PGM1: variants seen among roughly 807,000 people sequenced by gnomAD.
The protein encoded by PGM1 is phosphoglucomutase 1.
A neutral mutation model predicts 55.6 loss-of-function variants in PGM1; 52 were observed. The observed-to-expected ratio is 0.94, with a 90% CI of 0.75 to 1.18. PGM1 has a LOEUF of 1.18. Ranked by LOEUF, PGM1 falls within the 50% of genes most tolerant of loss-of-function variation. The pLI is 0.00. For synonymous variants in PGM1, 287 were observed against 271.7 expected (o/e 1.06, Z -0.55); for missense variants, 724 against 729.3 (o/e 0.99, Z 0.08).
chr1:63,593,806 C>T (rs1647947028), intron 1 of PGM1, 72 bp downstream of exon 1: 1 of 1,444,680 alleles, frequency 6.9e-7, no homozygotes, highest in East Asian at 2.8e-5. Context: ...GGCGCCCTCC[C>T]TCGCTCGGGG....
At chr1:63,648,799 G>T in intron 8 of PGM1, 147 bp downstream of exon 8, 1 of 870,680 alleles carries the variant, frequency 1.1e-6, no homozygotes. Flanking sequence ...AAAATAATCT[G>T]GTCAGGGATG....
chr1:63,623,599 T>C (rs762587514), intron 1 of PGM1: 1 of 1,612,806 alleles, frequency 6.2e-7, no homozygotes, highest in Non-Finnish European at 8.5e-7. Context: ...AACCTATTAT[T>C]TTGAGGAAAA....
intron 1 of PGM1, chr1:63,594,103 A>T (rs1159875967): frequency 9.8e-7 from 1 of 1,019,856 alleles, no homozygotes; most frequent in East Asian, 1.0e-4. Context: ...GCCTTGGAAG[A>T]TACGATTACG....
chr1:63,621,969 A>T (rs963299053), intron 1 of PGM1, among the ~76,000 whole-genome samples: 1 of 152,112 alleles, frequency 6.6e-6, no homozygotes, highest in Non-Finnish European at 1.5e-5. Context: ...ATGCTACTTG[A>T]CAAGTTAGTA....
intron 1 of PGM1, among the ~76,000 whole-genome samples, chr1:63,625,328 C>T (rs1648989206): frequency 6.6e-6 from 1 of 152,164 alleles, no homozygotes; most frequent in Non-Finnish European, 1.5e-5. Context: ...GCAGCCCAAG[C>T]AATATTTTCA....
At chr1:63,659,260 G>A (rs1325129168) in intron 10 of PGM1, among the ~76,000 whole-genome samples, 1 of 152,176 alleles carries the variant, frequency 6.6e-6, no homozygotes, top group Non-Finnish European at 1.5e-5. Flanking sequence ...GCAGGAGAGT[G>A]GAGAGAAAAG....
chr1:63,634,150 A>T (rs1376035753), intron 4 of PGM1, among the ~76,000 whole-genome samples: 2 of 151,206 alleles, frequency 1.3e-5, no homozygotes, highest in African/African-American at 4.9e-5. Context: ...TCTGAATCCC[A>T]ATTCCCACTT....
At chr1:63,623,490 G>T in intron 1 of PGM1, 2 of 1,612,550 alleles carry the variant, frequency 1.2e-6, no homozygotes, top group Admixed American at 3.3e-5. Flanking sequence ...GGATTTCTGG[G>T]ACATATAGAA....
rs80246885 is a variant in PGM1 at position 63,630,135 on chromosome 1, G to C, written c.556+47G>C. On this transcript the variant is annotated intron_variant, in intron 3 of 10. Transcript: ENST00000371084. ...TTCTGCCCACTCCTATTTCCAAGTT[G>C]AGCGATTTTCCTTTCAACGTTTTAG... is the stretch of plus-strand genomic sequence containing the variant. 2,385 of 1,592,622 alleles carry C rather than the reference G, an allele frequency of 1.5e-3. 29 individuals carry two copies. The African/African-American group carries it at 0.028, about 19-fold the overall frequency.
chr1:63,656,504 A>G (rs748781712), intron 10 of PGM1, among the ~76,000 whole-genome samples: 3 of 152,114 alleles, frequency 2.0e-5, no homozygotes, highest in Non-Finnish European at 4.4e-5. Context: ...TTCATTCAAT[A>G]TTATTCACAA....
At chr1:63,595,693 C>T (rs528402468) in intron 1 of PGM1, among the ~76,000 whole-genome samples, 1 of 152,218 alleles carries the variant, frequency 6.6e-6, no homozygotes, top group South Asian at 2.1e-4. Context: ...CTGTTGAATA[C>T]CATGTTCAGA....
intron 7 of PGM1, among the ~76,000 whole-genome samples, chr1:63,640,766 C>T (rs977820005): frequency 6.6e-6 from 1 of 152,096 alleles, no homozygotes; most frequent in Admixed American, 6.5e-5. Context: ...TTCTTCAGGC[C>T]GTCCATCTTT....
At chr1:63,604,073 TATTTGAAATCTCAGATTTCCCTGTCAAG>T (rs370399638) in intron 1 of PGM1, among the ~76,000 whole-genome samples, 105 of 152,338 alleles carry the variant, frequency 6.9e-4, no homozygotes, top group African/African-American at 2.4e-3. Flanking sequence ...ACCGGGCTTA[TATTTGAAATCTCAGATTTCCCTGTCAAG>T]GCTTGATCTT....
At chr1:63,609,038 A>G (rs1205566807) in intron 1 of PGM1, among the ~76,000 whole-genome samples, 5 of 152,196 alleles carry the variant, frequency 3.3e-5, no homozygotes, top group Non-Finnish European at 7.3e-5. Flanking sequence ...GAGGGAGGGG[A>G]TAAGAAGATG....
intron 8 of PGM1, among the ~76,000 whole-genome samples, chr1:63,650,961 G>T (rs529325508): frequency 6.6e-6 from 1 of 152,202 alleles, no homozygotes; most frequent in Admixed American, 6.5e-5. Flanking sequence ...TAATGCATTT[G>T]GGGCTTAATT....
chr1:63,629,518 C>A lies in PGM1; in HGVS notation c.340C>A (p.Leu114Met), dbSNP rs762985659. The A allele has an allele frequency of 6.2e-7, 1 of 1,613,698 alleles. No homozygotes were observed. The highest frequency in any genetic ancestry group is 1.7e-5 in the Admixed American group (1 of 60,008). ...RKIKAIGGII[L>M]TASHNPGGPN... ...AATCAAAGCCATTGGTGGGATCATT[C>A]TGACAGCCAGTCACAACCCAGGGGG... The change falls in exon 2 of 11, where the codon CTG becomes ATG. Residue 114 changes from leucine to methionine, a missense_variant. By Grantham distance (15) the Leu-to-Met change is conservative (BLOSUM62 2). This residue lies in a region of PGM1 where 379 missense variants were observed against 357.5 expected (regional missense o/e 1.06). Coordinates refer to ENST00000371084, the MANE Select transcript of PGM1 (RefSeq NM_002633.3).
rs1379714863 is a variant in PGM1, at chr1:63,596,259, T to C, written c.246+2525T>C. Reference sequence around the variant, plus strand: ...TTTCTTTCTTTTTTCTTCTTCTTTTTTTTTTTTTTTTTTTTTTGAGACGGA... The same window carrying C: ...TTTCTTTCTTTTTTCTTCTTCTTTTCTTTTTTTTTTTTTTTTTGAGACGGA... On this transcript the variant is annotated intron_variant, in intron 1 of 10. Coordinates refer to ENST00000371084, the MANE Select transcript of PGM1 (RefSeq NM_002633.3). Among the ~76,000 whole-genome samples, 1,352 of 140,682 alleles carry C rather than the reference T, an allele frequency of 9.6e-3. 15 individuals are homozygous for C. The highest frequency in any genetic ancestry group is 0.034 in the African/African-American group (1,294 of 37,556). The allele number at this position is 140,682 out of a possible 152,430, so 92.3% of individuals were successfully genotyped here.
chr1:63,593,950 T>G, intron 1 of PGM1: 1 of 1,207,754 alleles, frequency 8.3e-7, no homozygotes, highest in South Asian at 3.3e-5. Flanking sequence ...CCGGCAGACC[T>G]GCTCGCCTGA....
At chr1:63,605,148 T>C (rs563673164) in intron 1 of PGM1, among the ~76,000 whole-genome samples, 2 of 152,230 alleles carry the variant, frequency 1.3e-5, no homozygotes, top group Admixed American at 6.5e-5. Context: ...AATATATTTA[T>C]TGAGTAAGAG....
Sources: gnomAD v4.1 joint callset for allele counts (sites outside exome capture counted in the v4.1 genomes callset) on GRCh38, gnomAD v4.1.1 for gene constraint, gnomAD v4.1.1 regional missense constraint, MANE v1.5 for transcripts, NCBI Gene and HGNC (gene_info 2026-07-23, HGNC 2026-07-21) for gene names.